CPNE8: variants seen among roughly 807,000 people sequenced by gnomAD.
CPNE8 encodes the protein copine 8, also known as copine-8.
Under a neutral mutation model 81.5 loss-of-function variants are expected in CPNE8, and 45 were observed. That is an observed-to-expected ratio of 0.55 (90% CI 0.44 to 0.71). The LOEUF (loss-of-function observed/expected upper bound fraction) is 0.71, where lower values mean the gene tolerates loss of function less well. Among genes scored for constraint, CPNE8 ranks in the 30% least tolerant of loss-of-function variants. The pLI, the probability that CPNE8 is intolerant of heterozygous loss-of-function variation, is 0.00. For missense variants in CPNE8, 594 were observed against 672.1 expected, an observed-to-expected ratio of 0.88 and a Z score of 1.28; for synonymous variants, 252 against 226.3, an observed-to-expected ratio of 1.11 and a Z score of -1.02.
At chr12:38,778,866 C>T (rs186195079) in intron 6 of CPNE8, among the ~76,000 whole-genome samples, 7 of 152,234 alleles carry the variant, frequency 4.6e-5, no homozygotes, top group Non-Finnish European at 1.0e-4. Flanking sequence ...TCATGCATTG[C>T]TTAATTCTTG....
At chr12:38,826,404 A>T (rs1199111003) in intron 6 of CPNE8, among the ~76,000 whole-genome samples, 1 of 152,232 alleles carries the variant, frequency 6.6e-6, no homozygotes, top group Admixed American at 6.5e-5. Flanking sequence ...ATGTTGGATG[A>T]ACAAGTTTTG....
intron 10 of CPNE8, among the ~76,000 whole-genome samples, chr12:38,744,193 G>A (rs1941174115): frequency 6.6e-6 from 1 of 152,316 alleles, no homozygotes; most frequent in Non-Finnish European, 1.5e-5. Flanking sequence ...ATCTGTGTCT[G>A]TTGGGAAGCA....
chr12:38,880,938 C>T (rs574289498), intron 1 of CPNE8, among the ~76,000 whole-genome samples: 49 of 152,158 alleles, frequency 3.2e-4, no homozygotes, highest in African/African-American at 1.1e-3. Flanking sequence ...AGGCCGGGAG[C>T]GGTGGCTCAT....
At chr12:38,871,087 T>C (rs1943985449) in intron 3 of CPNE8, among the ~76,000 whole-genome samples, 1 of 152,176 alleles carries the variant, frequency 6.6e-6, no homozygotes. Flanking sequence ...GCTTAGGCAA[T>C]AGGAAAGCAT....
At chr12:38,735,112 G>C (rs1160839816) in intron 10 of CPNE8, among the ~76,000 whole-genome samples, 1 of 152,006 alleles carries the variant, frequency 6.6e-6, no homozygotes, top group Non-Finnish European at 1.5e-5. Flanking sequence ...TTTCTCATGG[G>C]GAACAACACC....
intron 10 of CPNE8, among the ~76,000 whole-genome samples, chr12:38,736,712 G>C (rs1940961866): frequency 6.6e-6 from 1 of 151,828 alleles, no homozygotes; most frequent in Non-Finnish European, 1.5e-5. Flanking sequence ...TCAAACAAAA[G>C]CTCCCCATTC....
intron 10 of CPNE8, among the ~76,000 whole-genome samples, chr12:38,744,875 T>C (rs2136806517): frequency 6.6e-6 from 1 of 152,346 alleles, no homozygotes; most frequent in South Asian, 2.1e-4. Flanking sequence ...TTTATTATTC[T>C]TTTTCTTACC....
intron 16 of CPNE8, among the ~76,000 whole-genome samples, chr12:38,684,604 G>A (rs1939492428): frequency 6.6e-6 from 1 of 152,076 alleles, no homozygotes; most frequent in Non-Finnish European, 1.5e-5. Flanking sequence ...TTTTGTCCGT[G>A]TCCCAGATAA....
intron 3 of CPNE8, among the ~76,000 whole-genome samples, chr12:38,871,512 AG>A (rs372571863): frequency 7.9e-5 from 12 of 152,206 alleles, no homozygotes; most frequent in African/African-American, 2.7e-4. Context: ...AGATAATCAA[AG>A]GGATGATTAG....
chr12:38,888,626 T>G lies in CPNE8; in HGVS notation c.99-14115A>C, dbSNP rs192820765. 1.4e-4 allele frequency among the ~76,000 whole-genome samples: 21 copies of G among 152,308 alleles called. No individual in the cohort carries two copies. In the East Asian group the frequency reaches 3.9e-3, roughly 28 times the overall value. ...AGAATGAAAATGACTTCCTAATATG[T>G]ATGTTTCATCCTTATCAGAAGTGAG... On this transcript the variant is annotated intron_variant, in intron 1 of 19. Coordinates refer to ENST00000331366, the MANE Select transcript of CPNE8 (RefSeq NM_153634.3).
At chr12:38,719,997 C>CT (rs1204925801) in intron 13 of CPNE8, among the ~76,000 whole-genome samples, 3 of 151,828 alleles carry the variant, frequency 2.0e-5, no homozygotes, top group Admixed American at 6.6e-5. Flanking sequence ...GAACTGGGTT[C>CT]TTTTTTTTGA....
At chr12:38,678,293 A>G (rs933206174) in intron 16 of CPNE8, among the ~76,000 whole-genome samples, 10 of 152,044 alleles carry the variant, frequency 6.6e-5, no homozygotes, top group African/African-American at 2.4e-4. Flanking sequence ...AACATATCAA[A>G]TAATACTCAG....
chr12:38,654,146 T>C (rs986628799), intron 19 of CPNE8, 76 bp from the exon 20 acceptor site: 9 of 1,467,054 alleles, frequency 6.1e-6, no homozygotes, highest in Non-Finnish European at 7.2e-6. Context: ...TCAACACATG[T>C]ACACATTTGG....
chr12:38,767,057 T>C (rs1243002778), intron 8 of CPNE8, among the ~76,000 whole-genome samples: 1 of 152,036 alleles, frequency 6.6e-6, no homozygotes, highest in Non-Finnish European at 1.5e-5. Context: ...TTCTCACAAA[T>C]ACTAATAGTA....
At chr12:38,790,362 C>T (rs1356159469) in intron 6 of CPNE8, among the ~76,000 whole-genome samples, 1 of 151,768 alleles carries the variant, frequency 6.6e-6, no homozygotes, top group African/African-American at 2.4e-5. Context: ...ATTGCATCTT[C>T]TCACTTATTT....
chr12:38,857,098 C>A (rs1435567537), intron 3 of CPNE8, among the ~76,000 whole-genome samples: 2 of 151,980 alleles, frequency 1.3e-5, no homozygotes, highest in Non-Finnish European at 2.9e-5. Context: ...GGGCTAGCAA[C>A]CTATACTGAC....
intron 13 of CPNE8, among the ~76,000 whole-genome samples, chr12:38,704,916 GTTT>G (rs71068574): frequency 2.1e-5 from 2 of 95,280 alleles, no homozygotes; most frequent in Non-Finnish European, 4.2e-5. Flanking sequence ...AATTAGTTTA[GTTT>G]TTTTTTTTTT....
At chr12:38,666,340 T>C (rs1406125609) in intron 19 of CPNE8, among the ~76,000 whole-genome samples, 1 of 152,232 alleles carries the variant, frequency 6.6e-6, no homozygotes, top group Non-Finnish European at 1.5e-5. Context: ...TACCAACTTA[T>C]GACCTAAATA....
intron 6 of CPNE8, among the ~76,000 whole-genome samples, chr12:38,826,656 A>G (rs1943198930): frequency 6.6e-6 from 1 of 152,124 alleles, no homozygotes; most frequent in Admixed American, 6.5e-5. Flanking sequence ...CTGAACAAGG[A>G]CCATATCTTA....
Sources: allele counts gnomAD v4.1 joint callset (sites outside exome capture counted in the v4.1 genomes callset), GRCh38; gene constraint gnomAD v4.1.1; transcripts MANE v1.5; gene names NCBI Gene and HGNC (gene_info 2026-07-23, HGNC 2026-07-21).